FHIT: variants seen among roughly 807,000 people sequenced by gnomAD.
FHIT encodes bis(5'-adenosyl)-triphosphatase.
In FHIT, 19 loss-of-function variants were observed where a neutral mutation model predicts 17.9. That is an observed-to-expected ratio of 1.06 (90% CI 0.74 to 1.56). FHIT has a LOEUF of 1.56. Ranked by LOEUF, FHIT falls within the 40% of genes most tolerant of loss-of-function variation. FHIT has a pLI of 0.00. For synonymous variants in FHIT, 81 were observed against 69.7 expected (o/e 1.16, Z -0.81); for missense variants, 248 against 189.2 (o/e 1.31, Z -1.82).
intron 3 of FHIT, among the ~76,000 whole-genome samples, chr3:60,898,513 C>T (rs924915891): frequency 2.0e-5 from 3 of 152,100 alleles, no homozygotes; most frequent in African/African-American, 7.2e-5. Flanking sequence ...CTCTGTAATC[C>T]TTTTTATCTC....
chr3:60,503,287 ATGAG>A (rs1361514832), intron 5 of FHIT, among the ~76,000 whole-genome samples: 1 of 152,228 alleles, frequency 6.6e-6, no homozygotes, highest in African/African-American at 2.4e-5. Flanking sequence ...TTACTATTCA[ATGAG>A]TAGTAGCAAA....
intron 5 of FHIT, among the ~76,000 whole-genome samples, chr3:60,034,375 C>G (rs565385032): frequency 6.6e-6 from 1 of 152,186 alleles, no homozygotes; most frequent in East Asian, 1.9e-4. Flanking sequence ...CTTTCCCTTT[C>G]AAGTAGGAGA....
chr3:60,346,315 G>A (rs1576511039), intron 5 of FHIT, among the ~76,000 whole-genome samples: 1 of 152,162 alleles, frequency 6.6e-6, no homozygotes, highest in Non-Finnish European at 1.5e-5. Context: ...ATATCTTTCT[G>A]TTTTCACTGA....
At chr3:60,591,194 A>G (rs1382592338) in intron 4 of FHIT, among the ~76,000 whole-genome samples, 1 of 152,038 alleles carries the variant, frequency 6.6e-6, no homozygotes, top group Non-Finnish European at 1.5e-5. Context: ...TTACAAATAC[A>G]TTTTCACCAA....
chr3:60,076,646 C>A (rs1284523472), intron 5 of FHIT, among the ~76,000 whole-genome samples: 1 of 151,946 alleles, frequency 6.6e-6, no homozygotes, highest in Non-Finnish European at 1.5e-5. Context: ...TGATTATTAT[C>A]ATGTCACCTA....
At chr3:60,601,674 G>A (rs909508900) in intron 4 of FHIT, among the ~76,000 whole-genome samples, 3 of 152,096 alleles carry the variant, frequency 2.0e-5, no homozygotes, top group Non-Finnish European at 2.9e-5. Flanking sequence ...GGTGGGGAAT[G>A]GCAGAAAGAA....
At chr3:60,902,663 A>G (rs1326289743) in intron 3 of FHIT, among the ~76,000 whole-genome samples, 2 of 152,244 alleles carry the variant, frequency 1.3e-5, no homozygotes, top group Non-Finnish European at 2.9e-5. Flanking sequence ...CACCACCACA[A>G]GGGAGCCCCA....
intron 3 of FHIT, among the ~76,000 whole-genome samples, chr3:60,890,341 C>T (rs1432281115): frequency 2.0e-5 from 3 of 151,710 alleles, no homozygotes; most frequent in Admixed American, 2.0e-4. Context: ...ATCCGTTGAT[C>T]TTCCAGGGCA....
chr3:60,567,604 A>T (rs2037186848), intron 4 of FHIT, among the ~76,000 whole-genome samples: 1 of 152,220 alleles, frequency 6.6e-6, no homozygotes, highest in African/African-American at 2.4e-5. Context: ...AAATTGACAA[A>T]TGGGATCTAA....
At chr3:60,093,590 C>T (rs1050459069) in intron 5 of FHIT, among the ~76,000 whole-genome samples, 11 of 152,112 alleles carry the variant, frequency 7.2e-5, no homozygotes, top group Non-Finnish European at 1.6e-4. Flanking sequence ...GATCCCCAAC[C>T]GCCGTGCCAC....
intron 5 of FHIT, among the ~76,000 whole-genome samples, chr3:60,023,601 G>A (rs1211986894): frequency 6.6e-6 from 1 of 152,168 alleles, no homozygotes; most frequent in African/African-American, 2.4e-5. Flanking sequence ...ACACAGTTCA[G>A]ATGCCATCTG....
chr3:60,995,026 A>G (rs2030550636), intron 3 of FHIT, among the ~76,000 whole-genome samples: 1 of 152,200 alleles, frequency 6.6e-6, no homozygotes, highest in Admixed American at 6.5e-5. Flanking sequence ...CCACGGGAAA[A>G]TAGTTTAATA....
At chr3:60,551,073 A>G (rs929492541) in intron 4 of FHIT, among the ~76,000 whole-genome samples, 8 of 152,114 alleles carry the variant, frequency 5.3e-5, no homozygotes, top group Non-Finnish European at 1.2e-4. Flanking sequence ...AATGTTCCAG[A>G]TGGAGGAAAC....
chr3:60,838,359 C>T (rs992590742), intron 3 of FHIT, among the ~76,000 whole-genome samples: 1 of 151,972 alleles, frequency 6.6e-6, no homozygotes, highest in Non-Finnish European at 1.5e-5. Flanking sequence ...GTAGTCCCAG[C>T]GACTCAGGAG....
At chr3:60,855,161 A>T (rs1190306410) in intron 3 of FHIT, among the ~76,000 whole-genome samples, 1 of 152,268 alleles carries the variant, frequency 6.6e-6, no homozygotes, top group East Asian at 1.9e-4. Context: ...CTCTGATAAC[A>T]AAACCCAAAT....
intron 5 of FHIT, among the ~76,000 whole-genome samples, chr3:60,493,600 T>TGAAA (rs1182419751): frequency 6.6e-6 from 1 of 152,212 alleles, no homozygotes; most frequent in Admixed American, 6.5e-5. Context: ...TTAATTTCAG[T>TGAAA]TTAATGCTCT....
intron 5 of FHIT, among the ~76,000 whole-genome samples, chr3:60,182,394 C>A (rs1017034189): frequency 6.6e-6 from 1 of 152,148 alleles, no homozygotes; most frequent in Non-Finnish European, 1.5e-5. Flanking sequence ...TTAAGTAGCA[C>A]AAAACATGGC....
intron 5 of FHIT, among the ~76,000 whole-genome samples, chr3:60,447,714 G>C (rs947315875): frequency 7.9e-5 from 12 of 152,130 alleles, no homozygotes; most frequent in African/African-American, 2.9e-4. Flanking sequence ...GAGCAAGATG[G>C]AGAATGTTGC....
chr3:60,570,952 A>G (rs1183119943), intron 4 of FHIT, among the ~76,000 whole-genome samples: 3 of 152,004 alleles, frequency 2.0e-5, no homozygotes, highest in East Asian at 1.9e-4. Context: ...ATTTTACTCT[A>G]TAAGGGACAT....
Sources: allele counts gnomAD v4.1 joint callset (sites outside exome capture counted in the v4.1 genomes callset), GRCh38; gene constraint gnomAD v4.1.1; transcripts MANE v1.5; gene names NCBI Gene and HGNC (gene_info 2026-07-23, HGNC 2026-07-21).